The following SYNPR variants were observed in gnomAD, a reference collection of about 807,000 sequenced individuals.
SYNPR encodes synaptoporin.
Under a neutral mutation model 32.9 loss-of-function variants are expected in SYNPR, and 23 were observed. The ratio of observed to expected loss-of-function variants is 0.70; its 90% CI spans 0.50 to 0.99. The LOEUF (loss-of-function observed/expected upper bound fraction) is 0.99, where lower values mean the gene tolerates loss of function less well. Ranked by LOEUF, SYNPR falls within the 50% of genes least tolerant of loss-of-function variation. The probability of loss-of-function intolerance (pLI) is 0.00; values close to 1 mark genes in which losing one functional copy is unlikely to be tolerated. For missense variants in SYNPR, 318 were observed against 349.3 expected (o/e 0.91, Z 0.71); for synonymous variants, 146 against 135.9 (o/e 1.07, Z -0.52).
intron 3 of SYNPR, among the ~76,000 whole-genome samples, chr3:63,507,079 G>A (rs1453194252): frequency 3.3e-5 from 5 of 151,958 alleles, no homozygotes; most frequent in East Asian, 3.9e-4. Context: ...CCTGGGAGGC[G>A]GAGATTGCAG....
chr3:63,256,685 G>C (rs1172717225), intron 2 of SYNPR, among the ~76,000 whole-genome samples: 1 of 152,210 alleles, frequency 6.6e-6, no homozygotes, highest in South Asian at 2.1e-4. Context: ...AAGGAACGCA[G>C]CTCCTCACCA....
chr3:63,581,163 A>G (rs1390438), intron 4 of SYNPR, among the ~76,000 whole-genome samples: 44,346 of 151,816 alleles, frequency 0.29, 7,036 homozygotes, highest in South Asian at 0.44. Flanking sequence ...ACTGTCCTGA[A>G]CACAATCAGA....
At chr3:63,525,096 G>A (rs1022985770) in intron 3 of SYNPR, among the ~76,000 whole-genome samples, 52 of 152,070 alleles carry the variant, frequency 3.4e-4, no homozygotes, top group African/African-American at 1.2e-3. Flanking sequence ...AGTAAAAAAG[G>A]CCAAAAATAG....
intron 2 of SYNPR, among the ~76,000 whole-genome samples, chr3:63,337,289 C>T (rs1189651381): frequency 1.4e-5 from 2 of 142,540 alleles, no homozygotes; most frequent in African/African-American, 2.6e-5. Flanking sequence ...TATAGAACTG[C>T]AAATTAAAAC....
intron 2 of SYNPR, among the ~76,000 whole-genome samples, chr3:63,405,259 A>G (rs558432595): frequency 7.2e-5 from 11 of 152,188 alleles, no homozygotes; most frequent in Non-Finnish European, 1.5e-4. Context: ...ATAGTAAACC[A>G]TGCAATGAGT....
intron 2 of SYNPR, among the ~76,000 whole-genome samples, chr3:63,432,651 C>A (rs1700013546): frequency 6.6e-6 from 1 of 152,112 alleles, no homozygotes; most frequent in African/African-American, 2.4e-5. Context: ...AGAGGCAGAC[C>A]CAGATAAGAA....
At chr3:63,350,448 G>C (rs921421276) in intron 2 of SYNPR, among the ~76,000 whole-genome samples, 2 of 152,160 alleles carry the variant, frequency 1.3e-5, no homozygotes, top group Non-Finnish European at 1.5e-5. Flanking sequence ...TGGGACTTCA[G>C]ACTATATCGT....
chr3:63,379,243 G>C (rs1287722059), intron 2 of SYNPR, among the ~76,000 whole-genome samples: 1 of 152,076 alleles, frequency 6.6e-6, no homozygotes, highest in Non-Finnish European at 1.5e-5. Flanking sequence ...GTGTTCATAG[G>C]AACTTGAAAA....
chr3:63,587,009 G>A (rs1407030067), intron 4 of SYNPR, among the ~76,000 whole-genome samples: 2 of 151,934 alleles, frequency 1.3e-5, no homozygotes, highest in African/African-American at 4.8e-5. Flanking sequence ...AAATAGGTTT[G>A]AAGCTCTACC....
intron 3 of SYNPR, among the ~76,000 whole-genome samples, chr3:63,530,833 G>A (rs1702099908): frequency 1.3e-5 from 2 of 152,172 alleles, no homozygotes; most frequent in African/African-American, 2.4e-5. Flanking sequence ...TAGACATGTA[G>A]TCAGCTAGCT....
chr3:63,381,390 A>T (rs999588855), intron 2 of SYNPR, among the ~76,000 whole-genome samples: 4 of 152,200 alleles, frequency 2.6e-5, no homozygotes, highest in Non-Finnish European at 1.5e-5. Flanking sequence ...ACCACTGCTC[A>T]ACGAAATAAA....
chr3:63,427,548 AG>A (rs1306058979), intron 2 of SYNPR: 2 of 152,376 alleles, frequency 1.3e-5, no homozygotes, highest in African/African-American at 2.4e-5. Flanking sequence ...TCCATAGGAC[AG>A]GGCCCTCACG....
intron 3 of SYNPR, among the ~76,000 whole-genome samples, chr3:63,491,313 A>G (rs941254497): frequency 2.6e-5 from 4 of 152,080 alleles, no homozygotes; most frequent in Non-Finnish European, 5.9e-5. Context: ...AAGTTAATGT[A>G]GACAATTAGC....
At chr3:63,521,153 G>T (rs1215855473) in intron 3 of SYNPR, among the ~76,000 whole-genome samples, 1 of 152,180 alleles carries the variant, frequency 6.6e-6, no homozygotes, top group Admixed American at 6.5e-5. Flanking sequence ...ACCCCTTGAA[G>T]ACAATGCTTC....
intron 2 of SYNPR, among the ~76,000 whole-genome samples, chr3:63,414,235 A>T (rs2088507792): frequency 6.6e-6 from 1 of 152,172 alleles, no homozygotes; most frequent in South Asian, 2.1e-4. Context: ...TGAAAACTTA[A>T]AATGTAGTTG....
At chr3:63,246,123 G>A (rs2086287536) in intron 1 of SYNPR, among the ~76,000 whole-genome samples, 1 of 152,030 alleles carries the variant, frequency 6.6e-6, no homozygotes, top group South Asian at 2.1e-4. Flanking sequence ...CAGACAAGGA[G>A]AACAGACTGG....
chr3:63,599,876 A>G (rs1434496928), intron 4 of SYNPR, among the ~76,000 whole-genome samples: 1 of 152,232 alleles, frequency 6.6e-6, no homozygotes, highest in Non-Finnish European at 1.5e-5. Flanking sequence ...AATTTCTAAG[A>G]TAGCTATGTA....
chr3:63,529,090 G>T (rs578049283), intron 3 of SYNPR, among the ~76,000 whole-genome samples: 16 of 143,442 alleles, frequency 1.1e-4, no homozygotes, highest in African/African-American at 4.1e-4. Flanking sequence ...TGACTCTAGG[G>T]TCTGTGTATG....
intron 2 of SYNPR, among the ~76,000 whole-genome samples, chr3:63,413,121 C>A (rs2088490186): frequency 6.6e-6 from 1 of 152,132 alleles, no homozygotes; most frequent in South Asian, 2.1e-4. Flanking sequence ...AGATAACGAT[C>A]AAAAAATGAC....
Sources: gnomAD v4.1 joint callset for allele counts (sites outside exome capture counted in the v4.1 genomes callset) on GRCh38, gnomAD v4.1.1 for gene constraint, MANE v1.5 for transcripts, NCBI Gene and HGNC (gene_info 2026-07-23, HGNC 2026-07-21) for gene names.